Variants in GABRB3 observed in about 807,000 individuals in gnomAD.
The protein encoded by GABRB3 is gamma-aminobutyric acid type A receptor subunit beta3.
GABRB3 carries 14 observed loss-of-function variants against 52.1 expected under a neutral mutation model. The observed-to-expected ratio is 0.27, with a 90% CI of 0.18 to 0.42. The LOEUF (loss-of-function observed/expected upper bound fraction) is 0.42. Ranked by LOEUF, GABRB3 falls within the 10% of genes least tolerant of loss-of-function variation. The pLI is 1.00. For missense variants in GABRB3, 307 were observed against 609.1 expected (o/e 0.50, Z 5.22); for synonymous variants, 260 against 232.3 (o/e 1.12, Z -1.08).
intron 3 of GABRB3, among the ~76,000 whole-genome samples, chr15:26,740,672 C>T (rs114021616): frequency 6.7e-4 from 102 of 152,308 alleles, no homozygotes; most frequent in African/African-American, 2.4e-3. Flanking sequence ...TCCTTGGAAT[C>T]CTCACAGGAC....
At chr15:26,705,735 T>C (rs569943701) in intron 3 of GABRB3, among the ~76,000 whole-genome samples, 2 of 152,282 alleles carry the variant, frequency 1.3e-5, no homozygotes, top group Admixed American at 1.3e-4. Context: ...GAAGGAATTA[T>C]GAAGGAGCAG....
intron 3 of GABRB3, among the ~76,000 whole-genome samples, chr15:26,744,062 G>A (rs1200962616): frequency 1.3e-5 from 2 of 152,030 alleles, no homozygotes; most frequent in Admixed American, 6.5e-5. Flanking sequence ...GACCAACATC[G>A]TGTCTCCCAC....
At chr15:26,691,078 C>T (rs1415766300) in intron 3 of GABRB3, among the ~76,000 whole-genome samples, 2 of 150,908 alleles carry the variant, frequency 1.3e-5, no homozygotes, top group African/African-American at 2.4e-5. Context: ...CTTCTTTTTT[C>T]TTCAGGATTC....
At chr15:26,609,385 C>T (rs114056100) in intron 4 of GABRB3, among the ~76,000 whole-genome samples, 2,320 of 152,086 alleles carry the variant, frequency 0.015, 46 homozygotes, top group African/African-American at 0.051. Context: ...TATCTTCGAA[C>T]GTAGATTCAT....
intron 4 of GABRB3, chr15:26,616,114 C>T (rs1394491592): frequency 1.3e-5 from 17 of 1,268,242 alleles, no homozygotes; most frequent in East Asian, 5.6e-5. Flanking sequence ...TGGCCCACTC[C>T]GGGCCTGCCA....
intron 3 of GABRB3, among the ~76,000 whole-genome samples, chr15:26,677,761 G>A (rs1303121187): frequency 6.6e-6 from 1 of 152,168 alleles, no homozygotes; most frequent in Non-Finnish European, 1.5e-5. Flanking sequence ...TCATGAAAAT[G>A]CTTTAATAGT....
intron 4 of GABRB3, among the ~76,000 whole-genome samples, chr15:26,599,693 A>C (rs1279747736): frequency 1.3e-5 from 2 of 152,364 alleles, no homozygotes; most frequent in South Asian, 2.1e-4. Flanking sequence ...GAAGGCAGAG[A>C]GGATGAGATA....
intron 4 of GABRB3, chr15:26,590,205 C>CA (rs72519146): frequency 0.8 from 121,821 of 152,062 alleles, 50,646 homozygotes; most frequent in East Asian, 1. Flanking sequence ...GCGAAGACCA[C>CA]ATGAAATGCC....
intron 3 of GABRB3, among the ~76,000 whole-genome samples, chr15:26,643,254 C>G (rs1412119886): frequency 6.6e-6 from 1 of 152,202 alleles, no homozygotes; most frequent in Non-Finnish European, 1.5e-5. Context: ...GTGCCCCCAT[C>G]CTGGCGGCCA....
intron 4 of GABRB3, among the ~76,000 whole-genome samples, chr15:26,584,236 G>C (rs867320579): frequency 1.3e-5 from 2 of 152,110 alleles, no homozygotes; most frequent in Non-Finnish European, 2.9e-5. Flanking sequence ...CAGAGAAAGG[G>C]GTTTCCAAGG....
At chr15:26,745,478 C>T (rs1032930362) in intron 3 of GABRB3, among the ~76,000 whole-genome samples, 4 of 152,088 alleles carry the variant, frequency 2.6e-5, no homozygotes, top group South Asian at 2.1e-4. Flanking sequence ...TTCATGCACT[C>T]GTGGGTGTGT....
intron 3 of GABRB3, among the ~76,000 whole-genome samples, chr15:26,645,623 T>C (rs1893327331): frequency 6.6e-6 from 1 of 152,204 alleles, no homozygotes. Context: ...ACCAGCTTAA[T>C]GGTTCTACTC....
At chr15:26,646,529 A>G (rs1034775308) in intron 3 of GABRB3, among the ~76,000 whole-genome samples, 11 of 152,136 alleles carry the variant, frequency 7.2e-5, no homozygotes, top group African/African-American at 2.7e-4. Context: ...TCATCCATGT[A>G]TGAGTCTTTG....
intron 3 of GABRB3, among the ~76,000 whole-genome samples, chr15:26,684,148 G>A (rs926108129): frequency 2.0e-5 from 3 of 152,088 alleles, no homozygotes; most frequent in Admixed American, 6.5e-5. Flanking sequence ...AACCTAGGAA[G>A]TGGGGGTGAG....
At chr15:26,581,728 G>A (rs950912625) in intron 5 of GABRB3, among the ~76,000 whole-genome samples, 1 of 152,150 alleles carries the variant, frequency 6.6e-6, no homozygotes, top group Admixed American at 6.5e-5. Context: ...TTGCATCTTG[G>A]CTGAAATAAA....
intron 3 of GABRB3, among the ~76,000 whole-genome samples, chr15:26,734,187 A>T (rs1890007132): frequency 6.6e-6 from 1 of 151,534 alleles, no homozygotes; most frequent in African/African-American, 2.4e-5. Context: ...GCACCATCAC[A>T]CCCAGCTAAT....
At chr15:26,637,738 G>C (rs1893095410) in intron 3 of GABRB3, among the ~76,000 whole-genome samples, 2 of 152,312 alleles carry the variant, frequency 1.3e-5, no homozygotes, top group South Asian at 4.1e-4. Flanking sequence ...GGCAGACATT[G>C]TCTTGGCCAC....
At chr15:26,623,455 CG>C (rs1566779985) in intron 3 of GABRB3, among the ~76,000 whole-genome samples, 26 of 152,228 alleles carry the variant, frequency 1.7e-4, no homozygotes, top group African/African-American at 6.0e-4. Flanking sequence ...TGGCTAATTC[CG>C]AGAGACGGCT....
intron 3 of GABRB3, chr15:26,625,503 G>A (rs961488155): frequency 2.0e-6 from 2 of 984,990 alleles, no homozygotes; most frequent in Non-Finnish European, 2.4e-6. Flanking sequence ...ATGGGATGGA[G>A]AGTCTGTCAG....
Sources: gnomAD v4.1 joint callset for allele counts (sites outside exome capture counted in the v4.1 genomes callset) on GRCh38, gnomAD v4.1.1 for gene constraint, MANE v1.5 for transcripts, NCBI Gene and HGNC (gene_info 2026-07-23, HGNC 2026-07-21) for gene names.